Variants in ESCO1 observed in about 807,000 individuals in gnomAD.
The protein encoded by ESCO1 is establishment of sister chromatid cohesion N-acetyltransferase 1, also known as N-acetyltransferase ESCO1.
A neutral mutation model predicts 83.5 loss-of-function variants in ESCO1; 33 were observed. The ratio of observed to expected loss-of-function variants is 0.40; its 90% CI spans 0.30 to 0.53. ESCO1 has a LOEUF of 0.53. Ranked by LOEUF, ESCO1 falls within the 20% of genes least tolerant of loss-of-function variation. ESCO1 has a pLI of 0.63. For synonymous variants in ESCO1, 332 were observed against 324.3 expected (o/e 1.02, Z -0.25); for missense variants, 855 against 968.0 (o/e 0.88, Z 1.55).
At chr18:21,536,296 A>G in intron 9 of ESCO1, 111 bp from the exon 10 acceptor site, 2 of 1,256,934 alleles carry the variant, frequency 1.6e-6, no homozygotes, top group Non-Finnish European at 2.2e-6. Flanking sequence ...CATCCTCTAA[A>G]GAGTTCTTTT....
intron 11 of ESCO1, among the ~76,000 whole-genome samples, chr18:21,532,244 C>T (rs915715532): frequency 1.1e-4 from 17 of 152,112 alleles, no homozygotes; most frequent in East Asian, 3.9e-4. Flanking sequence ...ATAAGTAAGT[C>T]GAAACAGCTT....
chr18:21,540,386 T>C (rs2037890809), intron 8 of ESCO1, among the ~76,000 whole-genome samples: 1 of 152,180 alleles, frequency 6.6e-6, no homozygotes, highest in South Asian at 2.1e-4. Context: ...ATTAAACTCT[T>C]ATATTTCATT....
chr18:21,567,926 G>T, intron 5 of ESCO1, 54 bp downstream of exon 5: 1 of 1,370,186 alleles, frequency 7.3e-7, no homozygotes. Flanking sequence ...CTGTAATACT[G>T]ACAAAAATGT....
chr18:21,559,066 G>A (rs2038149422), intron 8 of ESCO1, among the ~76,000 whole-genome samples: 1 of 152,190 alleles, frequency 6.6e-6, no homozygotes, highest in Non-Finnish European at 1.5e-5. Context: ...CTTTAAGATA[G>A]GTACGTTTTC....
intron 2 of ESCO1, among the ~76,000 whole-genome samples, chr18:21,582,357 G>A (rs1337417910): frequency 1.3e-5 from 2 of 151,860 alleles, no homozygotes; most frequent in Non-Finnish European, 2.9e-5. Flanking sequence ...AGCCTCCCGA[G>A]TAGCTAGGAT....
Position 21,594,966 on chromosome 18 carries a change from T to TGTGC in ESCO1, c.-825+5656_-825+5657insGCAC, listed in dbSNP as rs61346662. 2.7e-5 allele frequency among the ~76,000 whole-genome samples: 4 copies of TGTGC among 147,628 alleles called. No homozygotes were observed. The East Asian group carries it at 7.9e-4, about 29-fold the overall frequency. On this transcript the variant is annotated intron_variant, in intron 1 of 11. Transcript: ENST00000269214. Reference sequence around the variant, plus strand: ...GTGTGTGTGTGTGTGTGTGTGTGTGTATCTTTTTTATATATGAAAAACTAC... The same window carrying TGTGC: ...GTGTGTGTGTGTGTGTGTGTGTGTGTGTGCATCTTTTTTATATATGAAAAACTAC...
chr18:21,567,937 C>A, intron 5 of ESCO1, 43 bp downstream of exon 5: 1 of 1,451,150 alleles, frequency 6.9e-7, no homozygotes, highest in African/African-American at 1.4e-5. Flanking sequence ...ACAAAAATGT[C>A]ACTGAAGACT....
chr18:21,586,605 C>T (rs1007639315), intron 1 of ESCO1, among the ~76,000 whole-genome samples: 23 of 152,078 alleles, frequency 1.5e-4, no homozygotes, highest in Admixed American at 9.8e-4. Context: ...TGTCCTGTAA[C>T]GTTGTTAAAT....
chr18:21,578,036 T>A (rs1366464114), intron 2 of ESCO1, among the ~76,000 whole-genome samples: 3 of 152,106 alleles, frequency 2.0e-5, no homozygotes, highest in Non-Finnish European at 2.9e-5. Flanking sequence ...GGTCTACCTA[T>A]AATCGCTAAG....
At chr18:21,582,242 T>A (rs1365028393) in intron 2 of ESCO1, among the ~76,000 whole-genome samples, 1 of 152,100 alleles carries the variant, frequency 6.6e-6, no homozygotes, top group African/African-American at 2.4e-5. Context: ...CTTTTTTTTT[T>A]TTTTGAGATG....
In ESCO1 at chr18:21,600,462, G is replaced by C. The variant is rs575159548; in HGVS notation, c.-825+161C>G. 1.3e-5 allele frequency among the ~76,000 whole-genome samples: 2 copies of C among 152,232 alleles called. 1 individual carries two copies. Among genetic ancestry groups the C allele is most frequent in the Admixed American group, 1.3e-4 (2 of 15,274 alleles). ...CCTAGAGCCTCCCACCTCCCTCCCA[G>C]GGGCGCGAAGAGCTGGGACCGGAGC... On this transcript the variant is annotated intron_variant, in intron 1 of 11. Coordinates refer to ENST00000269214, the MANE Select transcript of ESCO1 (RefSeq NM_052911.3).
At chr18:21,530,604 T>G (rs2037755646) in intron 11 of ESCO1, 114 bp from the exon 12 acceptor site, 2 of 955,794 alleles carry the variant, frequency 2.1e-6, no homozygotes, top group African/African-American at 3.4e-5. Context: ...TAAAAAAGCT[T>G]TTTAGATACT....
At chr18:21,576,337 T>C (rs1471726889) in intron 2 of ESCO1, among the ~76,000 whole-genome samples, 1 of 152,036 alleles carries the variant, frequency 6.6e-6, no homozygotes, top group Non-Finnish European at 1.5e-5. Flanking sequence ...AGATTCTGTC[T>C]CTACAAAAAT....
chr18:21,596,530 T>A (rs537028053), intron 1 of ESCO1, among the ~76,000 whole-genome samples: 25 of 152,008 alleles, frequency 1.6e-4, no homozygotes, highest in Non-Finnish European at 2.8e-4. Context: ...AAAATGTTTT[T>A]ATGAAAAGAT....
rs777695119 is a variant in ESCO1, at chr18:21,573,973, CATT to C, written c.868_870del (p.Asn290del). 21 of 1,613,934 alleles carry C rather than the reference CATT, an allele frequency of 1.3e-5. 1 individual carries two copies. The South Asian group carries it at 2.3e-4, about 18-fold the overall frequency. On this transcript the variant is annotated inframe_deletion, in exon 4 of 12. Coordinates refer to ENST00000269214, the MANE Select transcript of ESCO1 (RefSeq NM_052911.3). ...TTGCTCTTTCCTGCTTGCTCCAGCTCATTATCACTTTGTTCAGGCACTGATGGC... is the reference window on the plus strand; with the variant it reads ...TTGCTCTTTCCTGCTTGCTCCAGCTCATCACTTTGTTCAGGCACTGATGGC...
intron 1 of ESCO1, among the ~76,000 whole-genome samples, chr18:21,592,514 G>A (rs2038690336): frequency 6.8e-6 from 1 of 146,444 alleles, no homozygotes; most frequent in East Asian, 2.1e-4. Flanking sequence ...GGGCAGAGGC[G>A]CCCCTCACCT....
intron 8 of ESCO1, among the ~76,000 whole-genome samples, chr18:21,542,089 T>A (rs1339637881): frequency 6.6e-6 from 1 of 152,256 alleles, no homozygotes; most frequent in East Asian, 1.9e-4. Context: ...TTTTTTCATG[T>A]ACTAAATAAA....
At chr18:21,547,618 T>C (rs1462791688) in intron 8 of ESCO1, among the ~76,000 whole-genome samples, 1 of 152,180 alleles carries the variant, frequency 6.6e-6, no homozygotes, top group African/African-American at 2.4e-5. Flanking sequence ...TCAATGTTTC[T>C]GAATCCAAAA....
rs779487610 is a variant in ESCO1 at position 21,530,307 on chromosome 18, A to G, written c.*36T>C. On this transcript the variant is annotated 3_prime_UTR_variant, in exon 12 of 12. Coordinates refer to ENST00000269214, the MANE Select transcript of ESCO1 (RefSeq NM_052911.3). ...GTCAGCAACCAATCCATTCTCTTCAATAGATGTCTTCTAGTGGTGTAGGCA... is the reference window on the plus strand; with the variant it reads ...GTCAGCAACCAATCCATTCTCTTCAGTAGATGTCTTCTAGTGGTGTAGGCA... The G allele has an allele frequency of 1.9e-5, 29 of 1,512,518 alleles. No individual in the cohort carries two copies. Among genetic ancestry groups the G allele is most frequent in the Non-Finnish European group, 2.6e-5 (29 of 1,130,950 alleles). The allele number at this position is 1,512,518 out of a possible 1,614,324, so 93.7% of individuals were successfully genotyped here. A position where few individuals can be genotyped will look rare whatever the true frequency, so the allele number is the denominator to read the frequency against.
Sources: allele counts gnomAD v4.1 joint callset (sites outside exome capture counted in the v4.1 genomes callset), GRCh38; gene constraint gnomAD v4.1.1; transcripts MANE v1.5; gene names NCBI Gene and HGNC (gene_info 2026-07-23, HGNC 2026-07-21).